PDS5B: variants seen among roughly 807,000 people sequenced by gnomAD.
PDS5B encodes sister chromatid cohesion protein PDS5 homolog B.
A neutral mutation model predicts 184.1 loss-of-function variants in PDS5B; 51 were observed. That is an observed-to-expected ratio of 0.28 (90% CI 0.22 to 0.35). The LOEUF is 0.35. Among genes scored for constraint, PDS5B ranks in the 10% least tolerant of loss-of-function variants. The pLI, the probability that PDS5B is intolerant of heterozygous loss-of-function variation, is 1.00. For synonymous variants in PDS5B, 566 were observed against 569.2 expected (o/e 0.99, Z 0.08); for missense variants, 1,180 against 1,723.3 (o/e 0.68, Z 5.58).
At chr13:32,639,862 T>C (rs182079920) in intron 1 of PDS5B, among the ~76,000 whole-genome samples, 84 of 152,342 alleles carry the variant, frequency 5.5e-4, no homozygotes, top group Admixed American at 2.4e-3. Flanking sequence ...TGGCCCAGTA[T>C]GGATTCTAGT....
chr13:32,714,611 G>A (rs2140903767), intron 19 of PDS5B, among the ~76,000 whole-genome samples: 1 of 152,274 alleles, frequency 6.6e-6, no homozygotes, highest in Non-Finnish European at 1.5e-5. Context: ...TCTCAGGGAT[G>A]TTCCATGCTG....
At chr13:32,652,765 A>T (rs1950404511) in intron 3 of PDS5B, among the ~76,000 whole-genome samples, 1 of 151,980 alleles carries the variant, frequency 6.6e-6, no homozygotes, top group African/African-American at 2.4e-5. Context: ...ATTAAAAAAA[A>T]AAAAAAAGAT....
chr13:32,666,795 G>A (rs1189532417), intron 6 of PDS5B, among the ~76,000 whole-genome samples: 1 of 152,074 alleles, frequency 6.6e-6, no homozygotes, highest in Non-Finnish European at 1.5e-5. Context: ...TTCATCATAA[G>A]TCAAGAAACA....
chr13:32,754,263 A>C (rs1272146042), intron 25 of PDS5B, among the ~76,000 whole-genome samples: 1 of 152,126 alleles, frequency 6.6e-6, no homozygotes, highest in East Asian at 1.9e-4. Flanking sequence ...ATTAGATCAC[A>C]TCAGTCCCTT....
rs1338695445 is a variant in PDS5B at position 32,652,646 on chromosome 13, A to G, written c.312+639A>G. 4 of 151,350 alleles carry G rather than the reference A, an allele frequency of 2.6e-5. No individual in the cohort carries two copies. In the South Asian group the frequency reaches 6.3e-4, roughly 24 times the overall value. The allele number at this position is 151,350 out of a possible 1,614,324, so 9.4% of individuals were successfully genotyped here. A position where few individuals can be genotyped will look rare whatever the true frequency, so the allele number is the denominator to read the frequency against. The stretch of plus-strand genomic sequence containing the variant: ...ACTGTGCACCTGTAATCCCATAACT[A>G]CTTGGGAAGCTGAGGTGGGAGGAGT... On this transcript the variant is annotated intron_variant, in intron 3 of 34. Coordinates refer to ENST00000315596, the MANE Select transcript of PDS5B (RefSeq NM_015032.4).
chr13:32,629,258 GA>G (rs2058419475), intron 1 of PDS5B, among the ~76,000 whole-genome samples: 1 of 151,620 alleles, frequency 6.6e-6, no homozygotes, highest in Admixed American at 6.6e-5. Flanking sequence ...CGAGTTGTTC[GA>G]TTTTTTTTTT....
At chr13:32,717,946 G>T (rs539287396) in intron 19 of PDS5B, among the ~76,000 whole-genome samples, 6 of 115,294 alleles carry the variant, frequency 5.2e-5, no homozygotes, top group Non-Finnish European at 9.7e-5. Context: ...ACTAATATGT[G>T]ATTTTTGTAT....
At chr13:32,688,272 C>T (rs1400729212) in intron 12 of PDS5B, among the ~76,000 whole-genome samples, 184 bp from the exon 13 acceptor site, 3 of 151,882 alleles carry the variant, frequency 2.0e-5, no homozygotes, top group Non-Finnish European at 4.4e-5. Context: ...TCAGTACATC[C>T]AGCTAAATCC....
intron 19 of PDS5B, among the ~76,000 whole-genome samples, chr13:32,729,207 T>A (rs1369411304): frequency 6.6e-6 from 1 of 152,224 alleles, no homozygotes; most frequent in Non-Finnish European, 1.5e-5. Context: ...TTTGGTTTTC[T>A]ATTCCTGTGT....
chr13:32,678,735 T>G, intron 9 of PDS5B, 100 bp from the exon 10 acceptor site: 1 of 703,412 alleles, frequency 1.4e-6, no homozygotes, highest in East Asian at 2.7e-5. Flanking sequence ...CTTCATAAAC[T>G]GTTTTTTCTT....
intron 33 of PDS5B, among the ~76,000 whole-genome samples, chr13:32,772,314 G>T (rs921424796): frequency 6.6e-6 from 1 of 152,134 alleles, no homozygotes; most frequent in African/African-American, 2.4e-5. Flanking sequence ...GATGCCTCCT[G>T]TGTTTCAGAG....
intron 30 of PDS5B, among the ~76,000 whole-genome samples, chr13:32,761,186 G>T (rs1954382184): frequency 6.6e-6 from 1 of 152,038 alleles, no homozygotes; most frequent in African/African-American, 2.4e-5. Flanking sequence ...TGCATAGAAA[G>T]TTTTTTTGAA....
chr13:32,663,041 C>T (rs962984015), intron 6 of PDS5B, among the ~76,000 whole-genome samples: 1 of 151,972 alleles, frequency 6.6e-6, no homozygotes, highest in Non-Finnish European at 1.5e-5. Context: ...GACAAATAGC[C>T]TATAACCAAT....
chr13:32,667,955 G>T (rs984638967), intron 7 of PDS5B, 111 bp downstream of exon 7: 1 of 521,402 alleles, frequency 1.9e-6, no homozygotes, highest in South Asian at 3.7e-5. Flanking sequence ...ACAAATTTGT[G>T]TTGTTTTAAC....
Position 32,706,805 on chromosome 13 carries a change from C to T in PDS5B, c.1857-129C>T, listed in dbSNP as rs535236157. The stretch of plus-strand genomic sequence containing the variant: ...GTTGTTTTGCAGTAGTGTTAAAAAC[C>T]AGCTATATCAAATTTGTATTTGGTT... On this transcript the variant is annotated intron_variant, in intron 17 of 34. Transcript: ENST00000315596. The T allele has an allele frequency of 8.8e-6, 4 of 455,818 alleles. No homozygotes were observed. In the Admixed American group the frequency reaches 1.3e-4, roughly 14 times the overall value. The allele number at this position is 455,818 out of a possible 1,614,324, so 28.2% of individuals were successfully genotyped here. A position where few individuals can be genotyped will look rare whatever the true frequency, so the allele number is the denominator to read the frequency against.
At chr13:32,595,162 T>G (rs1449562030) in intron 1 of PDS5B, among the ~76,000 whole-genome samples, 1 of 152,106 alleles carries the variant, frequency 6.6e-6, no homozygotes, top group South Asian at 2.1e-4. Flanking sequence ...ATAACAGATT[T>G]CTTTCTTAAA....
At chr13:32,719,604 A>G (rs564446499) in intron 19 of PDS5B, among the ~76,000 whole-genome samples, 90 of 152,190 alleles carry the variant, frequency 5.9e-4, no homozygotes, top group African/African-American at 2.0e-3. Context: ...GGTGTCGAGG[A>G]CATTGTAATA....
intron 1 of PDS5B, among the ~76,000 whole-genome samples, chr13:32,598,954 T>C (rs1268583816): frequency 6.6e-6 from 1 of 152,040 alleles, no homozygotes; most frequent in Non-Finnish European, 1.5e-5. Flanking sequence ...GTATTTTTAG[T>C]AGAGACGGGG....
chr13:32,674,816 A>T (rs1951023584), intron 8 of PDS5B, among the ~76,000 whole-genome samples: 1 of 152,170 alleles, frequency 6.6e-6, no homozygotes, highest in African/African-American at 2.4e-5. Flanking sequence ...AGTAAGTTTA[A>T]ATCACTCCTG....
Sources: gnomAD v4.1 joint callset for allele counts (sites outside exome capture counted in the v4.1 genomes callset) on GRCh38, gnomAD v4.1.1 for gene constraint, MANE v1.5 for transcripts, NCBI Gene and HGNC (gene_info 2026-07-23, HGNC 2026-07-21) for gene names.